The following TRAPPC2 variants were observed in gnomAD, a reference collection of about 807,000 sequenced individuals.
TRAPPC2 encodes trafficking protein particle complex subunit 2.
TRAPPC2 carries 4 observed loss-of-function variants against 10.0 expected under a neutral mutation model. That is an observed-to-expected ratio of 0.40 (90% CI 0.20 to 0.92). TRAPPC2 has a LOEUF of 0.92. Ranked by LOEUF, TRAPPC2 falls within the 40% of genes least tolerant of loss-of-function variation. The pLI, the probability that TRAPPC2 is intolerant of heterozygous loss-of-function variation, is 0.35. For missense variants in TRAPPC2, 52 were observed against 108.7 expected, an observed-to-expected ratio of 0.48 and a Z score of 2.32; for synonymous variants, 36 against 37.3, an observed-to-expected ratio of 0.97 and a Z score of 0.12.
At position 13,732,071 on chromosome X, in the gene TRAPPC2, AAG is replaced by A. The variant is rs1240260378; in HGVS notation, c.-20+1971_-20+1972del. On this transcript the variant is annotated intron_variant, in intron 2 of 5. Coordinates refer to ENST00000380579, the MANE Select transcript of TRAPPC2 (RefSeq NM_001011658.4). Reference sequence around the variant, plus strand: ...AACCCAAAAGTTCTGCAAGCTCAGTAAGAGGCAAAAGTCTGATAGGTTTGTCA... The same window carrying A: ...AACCCAAAAGTTCTGCAAGCTCAGTAAGGCAAAAGTCTGATAGGTTTGTCA... Among the ~76,000 whole-genome samples, 3 of 112,249 alleles carry A rather than the reference AAG, an allele frequency of 2.7e-5. No homozygotes were observed. The East Asian group carries it at 8.3e-4, about 31-fold the overall frequency.
intron 2 of TRAPPC2, among the ~76,000 whole-genome samples, chrX:13,728,197 C>T (rs976109623): frequency 4.5e-5 from 5 of 112,190 alleles, no homozygotes; most frequent in Non-Finnish European, 5.6e-5. Flanking sequence ...ACCATTCCTT[C>T]TGAAACTATT....
chrX:13,728,163 C>G (rs1267045782), intron 2 of TRAPPC2, among the ~76,000 whole-genome samples: 2 of 111,927 alleles, frequency 1.8e-5, no homozygotes, highest in Non-Finnish European at 3.8e-5. Context: ...CCGAATTCTA[C>G]CAGAGGTACA....
intron 2 of TRAPPC2, chrX:13,721,735 A>T (rs1342378909): frequency 1.0e-5 from 1 of 97,720 alleles, no homozygotes; most frequent in Non-Finnish European, 2.0e-5. Flanking sequence ...GCAGATCAGA[A>T]CTCCTGGCAT....
chrX:13,728,905 G>A lies in TRAPPC2; in HGVS notation c.-20+5139C>T, dbSNP rs751506931. 2.3e-4 allele frequency among the ~76,000 whole-genome samples: 26 copies of A among 111,970 alleles called. No individual in the cohort carries two copies. In the South Asian group the frequency reaches 5.2e-3, roughly 22 times the overall value. The stretch of plus-strand genomic sequence containing the variant: ...GCTGATAAGCAGCTTCAGCAAAGTC[G>A]CAGGATACAAAATCAATATGCAAAA... On this transcript the variant is annotated intron_variant, in intron 2 of 5. Transcript: ENST00000380579.
intron 2 of TRAPPC2, among the ~76,000 whole-genome samples, chrX:13,722,676 G>T (rs1342602927): frequency 8.9e-6 from 1 of 111,862 alleles, no homozygotes; most frequent in Non-Finnish European, 1.9e-5. Flanking sequence ...CACACGCTAG[G>T]ATTCTGCGCT....
chrX:13,730,509 C>A (rs773868955), intron 2 of TRAPPC2, among the ~76,000 whole-genome samples: 1 of 111,578 alleles, frequency 9.0e-6, no homozygotes, highest in Non-Finnish European at 1.9e-5. Context: ...GACAGTGTGG[C>A]GATTCCTCAA....
intron 3 of TRAPPC2, among the ~76,000 whole-genome samples, chrX:13,719,283 A>G (rs1181493906): frequency 1.8e-5 from 2 of 111,071 alleles, no homozygotes; most frequent in Non-Finnish European, 3.8e-5. Flanking sequence ...CTGAATGGCA[A>G]TATGTCCTCG....
At chrX:13,727,880 A>C (rs1444609203) in intron 2 of TRAPPC2, among the ~76,000 whole-genome samples, 1 of 112,057 alleles carries the variant, frequency 8.9e-6, no homozygotes, top group Non-Finnish European at 1.9e-5. Context: ...AAAACAGAGA[A>C]GAATCAGATA....
intron 2 of TRAPPC2, among the ~76,000 whole-genome samples, chrX:13,725,465 G>A (rs2046527144): frequency 8.9e-6 from 1 of 112,173 alleles, no homozygotes; most frequent in Non-Finnish European, 1.9e-5. Context: ...AGGCAAACGG[G>A]GTCTGGAGTG....
At chrX:13,733,205 T>G (rs1222138203) in intron 2 of TRAPPC2, among the ~76,000 whole-genome samples, 1 of 110,923 alleles carries the variant, frequency 9.0e-6, no homozygotes, top group Non-Finnish European at 1.9e-5. Context: ...CATATCAACA[T>G]CTTTTTAGAA....
intron 5 of TRAPPC2, among the ~76,000 whole-genome samples, chrX:13,715,066 T>C (rs767235376): frequency 8.9e-6 from 1 of 112,973 alleles, no homozygotes; most frequent in East Asian, 2.7e-4. Context: ...ATTGTTCATC[T>C]TTATAAGAGG....
At chrX:13,722,790 G>A (rs184091365) in intron 2 of TRAPPC2, among the ~76,000 whole-genome samples, 32 of 111,773 alleles carry the variant, frequency 2.9e-4, no homozygotes, top group South Asian at 7.4e-4. Context: ...TAGGCCAGGC[G>A]CGGTGGCTCA....
At chrX:13,724,640 G>A (rs904817429) in intron 2 of TRAPPC2, among the ~76,000 whole-genome samples, 2 of 111,787 alleles carry the variant, frequency 1.8e-5, no homozygotes, top group Non-Finnish European at 3.8e-5. Context: ...GTTCCAAGAT[G>A]GCCAAATAGG....
At chrX:13,723,550 A>G (rs930832525) in intron 2 of TRAPPC2, among the ~76,000 whole-genome samples, 1 of 111,676 alleles carries the variant, frequency 9.0e-6, no homozygotes, top group Non-Finnish European at 1.9e-5. Context: ...TAGAATTCCA[A>G]TATATAATAC....
intron 2 of TRAPPC2, among the ~76,000 whole-genome samples, chrX:13,731,298 A>G (rs1444459304): frequency 8.9e-6 from 1 of 112,217 alleles, no homozygotes; most frequent in African/African-American, 3.2e-5. Flanking sequence ...GAGCGACTAG[A>G]ACACCAACAG....
At chrX:13,723,770 A>G (rs967902904) in intron 2 of TRAPPC2, among the ~76,000 whole-genome samples, 4 of 110,542 alleles carry the variant, frequency 3.6e-5, no homozygotes, top group African/African-American at 1.3e-4. Flanking sequence ...GATGGTTTCC[A>G]TATGTCTAGC....
At chrX:13,727,277 C>A (rs1347073025) in intron 2 of TRAPPC2, among the ~76,000 whole-genome samples, 2 of 112,196 alleles carry the variant, frequency 1.8e-5, no homozygotes, top group East Asian at 2.8e-4. Context: ...GAACTCTCCA[C>A]CCCAAATCAA....
chrX:13,714,578 A>G, intron 5 of TRAPPC2, 73 bp from the exon 6 acceptor site: 1 of 617,865 alleles, frequency 1.6e-6, no homozygotes, highest in Non-Finnish European at 2.4e-6. Context: ...AATCATTTTA[A>G]AGTTTTAAAT....
intron 2 of TRAPPC2, among the ~76,000 whole-genome samples, chrX:13,730,516 T>A (rs76440382): frequency 0.29 from 31,629 of 110,791 alleles, 3,403 homozygotes; most frequent in South Asian, 0.48. Context: ...TGGCGATTCC[T>A]CAAGGATCTA....
Sources: gnomAD v4.1 joint callset for allele counts (sites outside exome capture counted in the v4.1 genomes callset) on GRCh38, gnomAD v4.1.1 for gene constraint, MANE v1.5 for transcripts, NCBI Gene and HGNC (gene_info 2026-07-23, HGNC 2026-07-21) for gene names.